The following TMEM132D variants were observed in gnomAD, a reference collection of about 807,000 sequenced individuals.
TMEM132D encodes the protein transmembrane protein 132D, also known as mature OL transmembrane protein.
In TMEM132D, 21 loss-of-function variants were observed where a neutral mutation model predicts 62.3. The observed-to-expected ratio is 0.34, with a 90% CI of 0.24 to 0.49. The LOEUF is 0.49. Ranked by LOEUF, TMEM132D falls within the 20% of genes least tolerant of loss-of-function variation. The pLI is 0.99. For missense variants in TMEM132D, 1,346 were observed against 1,402.8 expected (o/e 0.96, Z 0.65); for synonymous variants, 621 against 575.6 (o/e 1.08, Z -1.13).
At position 129,466,614 on chromosome 12, in the gene TMEM132D, A is replaced by T. The variant is rs537349295; in HGVS notation, c.1115+64445T>A. 2.0e-5 allele frequency among the ~76,000 whole-genome samples: 3 copies of T among 152,128 alleles called. No homozygotes were observed. The South Asian group carries it at 6.2e-4, about 32-fold the overall frequency. On this transcript the variant is annotated intron_variant, in intron 3 of 8. Coordinates refer to ENST00000422113, the MANE Select transcript of TMEM132D (RefSeq NM_133448.3). ...ATAATGTTCACTCATTAGCTCATTC[A>T]CTTAACACACACTTATTAGGTACAT...
intron 2 of TMEM132D, among the ~76,000 whole-genome samples, chr12:129,604,145 A>G (rs1878554135): frequency 6.6e-6 from 1 of 152,136 alleles, no homozygotes; most frequent in Non-Finnish European, 1.5e-5. Context: ...GGAGGGGAAC[A>G]TCACACACCA....
chr12:129,261,820 A>C (rs1029560954), intron 4 of TMEM132D, among the ~76,000 whole-genome samples: 2 of 152,100 alleles, frequency 1.3e-5, no homozygotes, highest in Non-Finnish European at 2.9e-5. Context: ...ATTTAAGTTT[A>C]ATTACCTCAT....
At chr12:129,262,451 G>C (rs1880574804) in intron 4 of TMEM132D, 2 of 152,208 alleles carry the variant, frequency 1.3e-5, no homozygotes, top group Non-Finnish European at 2.9e-5. Context: ...GGCTGGGAGG[G>C]GAGCATGGAT....
Position 129,406,687 on chromosome 12 carries a change from G to A in TMEM132D, c.1116-68870C>T, listed in dbSNP as rs535533650. On this transcript the variant is annotated intron_variant, in intron 3 of 8. Coordinates refer to ENST00000422113, the MANE Select transcript of TMEM132D (RefSeq NM_133448.3). Reference sequence around the variant, plus strand: ...CACACCATGTACTGGGCAAGCACACGGACTTTCACTAAAGAGATAACAGAA... The same window carrying A: ...CACACCATGTACTGGGCAAGCACACAGACTTTCACTAAAGAGATAACAGAA... Among the ~76,000 whole-genome samples the A allele has an allele frequency of 1.1e-4, 16 of 152,006 alleles. No homozygotes were observed. The South Asian group carries it at 1.2e-3, about 12-fold the overall frequency.
chr12:129,389,382 T>C (rs1361957649), intron 3 of TMEM132D, among the ~76,000 whole-genome samples: 1 of 152,076 alleles, frequency 6.6e-6, no homozygotes, highest in Non-Finnish European at 1.5e-5. Flanking sequence ...AGTAATACTA[T>C]GTGCCAACAC....
chr12:129,543,513 A>C (rs1876650211), intron 2 of TMEM132D, among the ~76,000 whole-genome samples: 1 of 152,248 alleles, frequency 6.6e-6, no homozygotes, highest in Admixed American at 6.5e-5. Flanking sequence ...CACTCTACCT[A>C]GTGAACATCA....
intron 2 of TMEM132D, among the ~76,000 whole-genome samples, chr12:129,626,522 A>G (rs569508724): frequency 8.5e-4 from 129 of 152,082 alleles, no homozygotes; most frequent in Middle Eastern, 3.4e-3. Flanking sequence ...CAGTGGCACA[A>G]TCTCAGCTCA....
At chr12:129,258,793 T>C (rs1880476756) in intron 4 of TMEM132D, among the ~76,000 whole-genome samples, 1 of 152,218 alleles carries the variant, frequency 6.6e-6, no homozygotes, top group Non-Finnish European at 1.5e-5. Flanking sequence ...ATAAGAGGAC[T>C]GAAAATAAGC....
At chr12:129,356,780 G>T (rs1361941852) in intron 3 of TMEM132D, among the ~76,000 whole-genome samples, 1 of 151,802 alleles carries the variant, frequency 6.6e-6, no homozygotes, top group Non-Finnish European at 1.5e-5. Flanking sequence ...TGGGAGGATC[G>T]CTTGAGCCTG....
chr12:129,820,679 G>T (rs917049210), intron 1 of TMEM132D, among the ~76,000 whole-genome samples: 3 of 152,174 alleles, frequency 2.0e-5, no homozygotes, highest in African/African-American at 7.2e-5. Context: ...CATATTTCAG[G>T]TGTAAAGAAA....
chr12:129,112,645 A>G (rs1238673024), intron 5 of TMEM132D, among the ~76,000 whole-genome samples: 1 of 152,224 alleles, frequency 6.6e-6, no homozygotes, highest in Admixed American at 6.5e-5. Context: ...CCTGGCCAAC[A>G]AAAGCAAAAC....
rs1045409333 is a variant in TMEM132D, at chr12:129,073,800, G to T, written c.*75C>A. 10 of 1,296,388 alleles carry T rather than the reference G, an allele frequency of 7.7e-6. No individual in the cohort carries two copies. The East Asian group carries it at 1.9e-4, about 24-fold the overall frequency. 80.3% of individuals were successfully genotyped at this position (1,296,388 alleles called of 1,614,324 possible). A position where few individuals can be genotyped will look rare whatever the true frequency, so the allele number is the denominator to read the frequency against. ...TGTCCTGCTGCTTTGTTTCTCTTCCGGGGGCACCGTTGCTACACATCCTGG... is the reference window on the plus strand; with the variant it reads ...TGTCCTGCTGCTTTGTTTCTCTTCCTGGGGCACCGTTGCTACACATCCTGG... On this transcript the variant is annotated 3_prime_UTR_variant, in exon 9 of 9. Transcript: ENST00000422113.
intron 2 of TMEM132D, among the ~76,000 whole-genome samples, chr12:129,562,610 G>A (rs1356653750): frequency 3.3e-5 from 5 of 152,134 alleles, no homozygotes; most frequent in Non-Finnish European, 7.3e-5. Context: ...GGATCATAAT[G>A]TCTCTGAACC....
chr12:129,642,543 G>A (rs1216800225), intron 2 of TMEM132D, among the ~76,000 whole-genome samples: 1 of 152,176 alleles, frequency 6.6e-6, no homozygotes, highest in Non-Finnish European at 1.5e-5. Flanking sequence ...CCAGTCCCCA[G>A]CTCAGCTCCC....
intron 3 of TMEM132D, among the ~76,000 whole-genome samples, chr12:129,455,656 T>G (rs1873442417): frequency 6.6e-6 from 1 of 152,288 alleles, no homozygotes; most frequent in South Asian, 2.1e-4. Context: ...AGGAGGGGAC[T>G]GTAGACAGGA....
At chr12:129,503,150 G>A (rs1243299574) in intron 3 of TMEM132D, among the ~76,000 whole-genome samples, 1 of 152,178 alleles carries the variant, frequency 6.6e-6, no homozygotes, top group South Asian at 2.1e-4. Flanking sequence ...GAAGATTCTT[G>A]TTACAGCTGA....
At chr12:129,306,006 A>G (rs1043529118) in intron 4 of TMEM132D, among the ~76,000 whole-genome samples, 1 of 152,198 alleles carries the variant, frequency 6.6e-6, no homozygotes, top group Non-Finnish European at 1.5e-5. Flanking sequence ...TTCAAATCTC[A>G]GAGCTCAGCA....
At chr12:129,317,352 C>T (rs1337001084) in intron 4 of TMEM132D, among the ~76,000 whole-genome samples, 1 of 152,170 alleles carries the variant, frequency 6.6e-6, no homozygotes, top group Non-Finnish European at 1.5e-5. Flanking sequence ...GGCGAAGTCT[C>T]TCAGCATTTG....
At chr12:129,650,619 G>A (rs755373879) in intron 2 of TMEM132D, among the ~76,000 whole-genome samples, 1 of 152,124 alleles carries the variant, frequency 6.6e-6, no homozygotes, top group East Asian at 1.9e-4. Context: ...CCAACAACTG[G>A]TGTTTCCAGG....
Sources: allele counts gnomAD v4.1 joint callset (sites outside exome capture counted in the v4.1 genomes callset), GRCh38; gene constraint gnomAD v4.1.1; transcripts MANE v1.5; gene names NCBI Gene and HGNC (gene_info 2026-07-23, HGNC 2026-07-21).